The following ZFHX3 variants were observed in gnomAD, a reference collection of about 807,000 sequenced individuals.
ZFHX3 encodes zinc finger homeobox protein 3.
Under a neutral mutation model 279.1 loss-of-function variants are expected in ZFHX3, and 42 were observed. The ratio of observed to expected loss-of-function variants is 0.15; its 90% CI spans 0.12 to 0.19. ZFHX3 has a LOEUF of 0.19. ZFHX3 is among the 10% of genes least tolerant of loss of function. ZFHX3 has a pLI of 1.00. For missense variants in ZFHX3, 4,981 were observed against 4,754.0 expected (o/e 1.05, Z -1.40); for synonymous variants, 2,293 against 1,957.8 (o/e 1.17, Z -4.52).
intron 8 of ZFHX3, among the ~76,000 whole-genome samples, chr16:73,069,373 T>G (rs1225806359): frequency 6.6e-6 from 1 of 152,160 alleles, no homozygotes; most frequent in Non-Finnish European, 1.5e-5. Context: ...GAAGCAATGA[T>G]GCACACTTGT....
At chr16:73,247,415 G>T in intron 5 of ZFHX3, among the ~76,000 whole-genome samples, 1 of 152,010 alleles carries the variant, frequency 6.6e-6, no homozygotes, top group East Asian at 1.9e-4. Flanking sequence ...TATATAATGT[G>T]TCTGTATGTC....
At chr16:72,918,514 G>C (rs1397615526) in intron 3 of ZFHX3, among the ~76,000 whole-genome samples, 2 of 152,032 alleles carry the variant, frequency 1.3e-5, no homozygotes, top group African/African-American at 4.8e-5. Context: ...ATATCACAAG[G>C]AAGATGTCTC....
At chr16:73,647,979 T>C (rs115196102) in intron 2 of ZFHX3, among the ~76,000 whole-genome samples, 3 of 152,130 alleles carry the variant, frequency 2.0e-5, no homozygotes, top group Non-Finnish European at 4.4e-5. Context: ...TTTTAACTGA[T>C]CTGCTTAGAA....
chr16:73,594,900 G>A (rs2052033336), intron 2 of ZFHX3, among the ~76,000 whole-genome samples: 1 of 152,092 alleles, frequency 6.6e-6, no homozygotes, highest in Non-Finnish European at 1.5e-5. Flanking sequence ...TGAGTACAGG[G>A]TCCAATTTCA....
Position 72,960,118 on chromosome 16 carries a change from A to G in ZFHX3, c.28T>C (p.Ser10Pro). 6 of 1,593,264 alleles carry G rather than the reference A, an allele frequency of 3.8e-6. No homozygotes were observed. The highest frequency in any genetic ancestry group is 5.1e-6 in the Non-Finnish European group (6 of 1,168,752). The change falls in exon 2 of 10, where the codon TCG becomes CCG. Residue 10 changes from serine to proline, a missense_variant. By Grantham distance (74) the Ser-to-Pro change is moderately conservative. Coordinates refer to ENST00000268489, the MANE Select transcript of ZFHX3 (RefSeq NM_006885.4). MEGCDSPVV[S>P]GKDNGCGIPQ... ...ATACCGCACCCATTGTCCTTCCCCG[A>G]GACGACGGGCGAGTCACAGCCTTCC...
At chr16:73,802,411 T>C (rs778333640) in intron 1 of ZFHX3, among the ~76,000 whole-genome samples, 2 of 152,252 alleles carry the variant, frequency 1.3e-5, no homozygotes, top group Admixed American at 6.5e-5. Flanking sequence ...TAGGAAATGC[T>C]AATTTATCTT....
At chr16:73,369,414 C>T (rs1327280381) in intron 3 of ZFHX3, among the ~76,000 whole-genome samples, 1 of 152,220 alleles carries the variant, frequency 6.6e-6, no homozygotes, top group Non-Finnish European at 1.5e-5. Context: ...TGCAAATGCA[C>T]AAATCGAATG....
intron 3 of ZFHX3, among the ~76,000 whole-genome samples, chr16:73,373,608 G>C (rs1286572243): frequency 6.6e-6 from 1 of 152,214 alleles, no homozygotes; most frequent in Non-Finnish European, 1.5e-5. Flanking sequence ...AATGAAAGCA[G>C]AAAGTATAGG....
At chr16:73,609,494 T>C (rs1336415712) in intron 2 of ZFHX3, 2 of 152,190 alleles carry the variant, frequency 1.3e-5, no homozygotes, top group Non-Finnish European at 2.9e-5. Flanking sequence ...TAGAATGCTT[T>C]GATTTAAACA....
intron 5 of ZFHX3, among the ~76,000 whole-genome samples, chr16:73,155,288 C>T (rs1054732999): frequency 3.3e-5 from 5 of 151,706 alleles, no homozygotes; most frequent in African/African-American, 1.2e-4. Flanking sequence ...ATAGCACATG[C>T]TTAAAGGTAA....
At chr16:73,615,352 G>T (rs1231374246) in intron 2 of ZFHX3, among the ~76,000 whole-genome samples, 2 of 152,106 alleles carry the variant, frequency 1.3e-5, no homozygotes, top group East Asian at 3.9e-4. Context: ...CTCTCAGGAG[G>T]TAAGACAAGC....
At chr16:73,001,853 T>C (rs1455949192) in intron 1 of ZFHX3, among the ~76,000 whole-genome samples, 2 of 151,460 alleles carry the variant, frequency 1.3e-5, no homozygotes, top group Admixed American at 6.6e-5. Flanking sequence ...AGAAAATATA[T>C]AATTTTGGCC....
intron 7 of ZFHX3, among the ~76,000 whole-genome samples, chr16:73,115,976 C>T (rs140081341): frequency 1.6e-4 from 24 of 152,126 alleles, no homozygotes; most frequent in South Asian, 6.2e-4. Context: ...CAAAATTAGC[C>T]GGGCGTGGTG....
intron 3 of ZFHX3, among the ~76,000 whole-genome samples, chr16:72,912,332 G>A (rs1439673471): frequency 1.3e-5 from 2 of 152,220 alleles, no homozygotes; most frequent in East Asian, 3.8e-4. Flanking sequence ...TAATTTGGGA[G>A]GCTTTAGAAA....
intron 2 of ZFHX3, among the ~76,000 whole-genome samples, chr16:73,662,358 T>C (rs957042025): frequency 6.6e-6 from 1 of 152,226 alleles, no homozygotes; most frequent in African/African-American, 2.4e-5. Context: ...TAAATATCCA[T>C]GACCCACGGT....
chr16:73,469,618 T>C (rs1054818462), intron 2 of ZFHX3, among the ~76,000 whole-genome samples: 1 of 148,672 alleles, frequency 6.7e-6, no homozygotes, highest in African/African-American at 2.5e-5. Context: ...ACCTCCAATA[T>C]ATATATATAT....
At chr16:73,409,213 C>T (rs959563136) in intron 3 of ZFHX3, among the ~76,000 whole-genome samples, 5 of 152,172 alleles carry the variant, frequency 3.3e-5, no homozygotes, top group African/African-American at 9.7e-5. Context: ...AGAAAATGTC[C>T]TGACCTTTAA....
At chr16:72,922,806 G>A (rs2039615646) in intron 3 of ZFHX3, among the ~76,000 whole-genome samples, 1 of 152,102 alleles carries the variant, frequency 6.6e-6, no homozygotes, top group Non-Finnish European at 1.5e-5. Context: ...AACTCTGGGA[G>A]GCAAACACCT....
At chr16:73,476,551 C>T (rs2018769246) in intron 2 of ZFHX3, among the ~76,000 whole-genome samples, 1 of 152,132 alleles carries the variant, frequency 6.6e-6, no homozygotes, top group Non-Finnish European at 1.5e-5. Flanking sequence ...GGAGTATACA[C>T]AAATATTTGT....
Sources: gnomAD v4.1 joint callset for allele counts (sites outside exome capture counted in the v4.1 genomes callset) on GRCh38, gnomAD v4.1.1 for gene constraint, MANE v1.5 for transcripts, NCBI Gene and HGNC (gene_info 2026-07-23, HGNC 2026-07-21) for gene names.